The following LRRC1 variants were observed in gnomAD, a reference collection of about 807,000 sequenced individuals.
LRRC1 encodes the protein leucine-rich repeat-containing protein 1.
Under a neutral mutation model 69.9 loss-of-function variants are expected in LRRC1, and 28 were observed. The ratio of observed to expected loss-of-function variants is 0.40; its 90% CI spans 0.30 to 0.55. The LOEUF (loss-of-function observed/expected upper bound fraction) is 0.55, where lower values mean the gene tolerates loss of function less well. Ranked by LOEUF, LRRC1 falls within the 20% of genes least tolerant of loss-of-function variation. The probability of loss-of-function intolerance (pLI) is 0.47; values close to 1 mark genes in which losing one functional copy is unlikely to be tolerated. For missense variants in LRRC1, 498 were observed against 609.0 expected (o/e 0.82, Z 1.92); for synonymous variants, 236 against 240.2 (o/e 0.98, Z 0.16).
At position 53,827,692 on chromosome 6, in the gene LRRC1, A is replaced by G. The variant is rs182637209; in HGVS notation, c.160-14418A>G. ...AAATGGAGTCAGAAAGGCCATGGAT[A>G]TTTGTGGGGCAGAAGTTAGAAAGGA... On this transcript the variant is annotated intron_variant, in intron 1 of 13. Coordinates refer to ENST00000370888, the MANE Select transcript of LRRC1 (RefSeq NM_018214.5). Among the ~76,000 whole-genome samples, 53 of 152,276 alleles carry G rather than the reference A, an allele frequency of 3.5e-4. No homozygotes were observed. The East Asian group carries it at 8.7e-3, about 25-fold the overall frequency.
At chr6:53,835,038 A>G (rs1443416348) in intron 1 of LRRC1, among the ~76,000 whole-genome samples, 1 of 152,176 alleles carries the variant, frequency 6.6e-6, no homozygotes, top group Non-Finnish European at 1.5e-5. Flanking sequence ...ACTAATAGGA[A>G]TTCCTTCTTC....
chr6:53,803,967 A>T (rs9382239), intron 1 of LRRC1, among the ~76,000 whole-genome samples: 95,003 of 151,954 alleles, frequency 0.63, 30,017 homozygotes, highest in East Asian at 0.9. Context: ...CCTGAGTCAA[A>T]TGAGCAGTTG....
At chr6:53,836,581 G>A (rs903243163) in intron 1 of LRRC1, among the ~76,000 whole-genome samples, 3 of 152,120 alleles carry the variant, frequency 2.0e-5, no homozygotes, top group Non-Finnish European at 4.4e-5. Flanking sequence ...ATAATTGGAT[G>A]TCCTTAGTGG....
At chr6:53,802,378 TCC>T in intron 1 of LRRC1, among the ~76,000 whole-genome samples, 1 of 152,334 alleles carries the variant, frequency 6.6e-6, no homozygotes, top group East Asian at 1.9e-4. Flanking sequence ...TGGGAGCCTC[TCC>T]CTTCCCATCT....
intron 1 of LRRC1, among the ~76,000 whole-genome samples, chr6:53,796,115 A>C (rs1764293586): frequency 6.6e-6 from 1 of 152,220 alleles, no homozygotes; most frequent in Admixed American, 6.5e-5. Flanking sequence ...GGTGAACGTC[A>C]GCGGAGGCTC....
intron 1 of LRRC1, among the ~76,000 whole-genome samples, chr6:53,823,601 A>G (rs4712048): frequency 0.83 from 125,235 of 151,786 alleles, 51,789 homozygotes; most frequent in East Asian, 0.92. Context: ...TGTCACCTAG[A>G]TATTAAGCCT....
chr6:53,922,888 C>A lies in LRRC1; in HGVS notation c.*95C>A. 8.1e-7 allele frequency: 1 copy of A among 1,234,222 alleles called. No individual in the cohort carries two copies. The highest frequency in any genetic ancestry group is 1.1e-6 in the Non-Finnish European group (1 of 877,226). The allele number at this position is 1,234,222 out of a possible 1,614,324, so 76.5% of individuals were successfully genotyped here. On this transcript the variant is annotated 3_prime_UTR_variant, in exon 14 of 14. Transcript: ENST00000370888. ...AGCCTCACGTGCTCCTTGTCCTAAC[C>A]AGCCCCCGCGCGCCATCTTCCCGTG...
intron 2 of LRRC1, among the ~76,000 whole-genome samples, chr6:53,843,558 AAAAAGT>A (rs1334526322): frequency 1.3e-5 from 2 of 152,220 alleles, no homozygotes; most frequent in African/African-American, 4.8e-5. Flanking sequence ...AAGGTACTAG[AAAAAGT>A]AAAACAAAAC....
rs761349802 is a variant in LRRC1 at position 53,795,273 on chromosome 6, C to G, written c.17C>G (p.Pro6Arg). ...GGGGCGGCGATGTTCCACTGCATCCCCCTGTGGCGGTGCAACCGTCATGTG... is the reference window on the plus strand; with the variant it reads ...GGGGCGGCGATGTTCCACTGCATCCGCCTGTGGCGGTGCAACCGTCATGTG... MFHCIPLWRCNRHVES... is the reference protein window; with the variant it reads MFHCIRLWRCNRHVES... Residue 6 changes from proline to arginine, a missense_variant, in exon 1 of 14, where the codon CCC (proline) becomes CGC (arginine). Pro to Arg is a moderately radical substitution (Grantham distance 103). Coordinates refer to ENST00000370888, the MANE Select transcript of LRRC1 (RefSeq NM_018214.5). 6 of 1,611,114 alleles carry G rather than the reference C, an allele frequency of 3.7e-6. No individual in the cohort carries two copies. Among genetic ancestry groups the G allele is most frequent in the Non-Finnish European group, 5.1e-6 (6 of 1,179,634 alleles).
chr6:53,877,944 G>C (rs1158731667), intron 2 of LRRC1, among the ~76,000 whole-genome samples: 1 of 152,138 alleles, frequency 6.6e-6, no homozygotes, highest in African/African-American at 2.4e-5. Context: ...CTGTTAGTCT[G>C]TTTTCATGCT....
intron 1 of LRRC1, among the ~76,000 whole-genome samples, chr6:53,824,386 TAGACC>T (rs1394439236): frequency 6.6e-6 from 1 of 152,206 alleles, no homozygotes; most frequent in African/African-American, 2.4e-5. Context: ...TGCTGCATAT[TAGACC>T]TTTGTCAGAT....
intron 2 of LRRC1, among the ~76,000 whole-genome samples, chr6:53,877,810 C>T (rs1045800272): frequency 1.3e-5 from 2 of 152,190 alleles, no homozygotes; most frequent in African/African-American, 2.4e-5. Flanking sequence ...AACTTTCCCA[C>T]GTTTTCCTGT....
chr6:53,797,625 C>T (rs1457430161), intron 1 of LRRC1, among the ~76,000 whole-genome samples: 1 of 152,168 alleles, frequency 6.6e-6, no homozygotes, highest in Non-Finnish European at 1.5e-5. Context: ...GGTGGCCATA[C>T]CAGCTGTATG....
chr6:53,922,952 C>T lies in LRRC1; in HGVS notation c.*159C>T, dbSNP rs892918374. ...CTGCTGTCTCCCAGGAAGTGCCTTA[C>T]TCATCCCGCAACCAGTCAGCGCACC... is the stretch of plus-strand genomic sequence containing the variant. On this transcript the variant is annotated 3_prime_UTR_variant, in exon 14 of 14. Transcript: ENST00000370888. 1.1e-5 allele frequency: 7 copies of T among 628,386 alleles called. No homozygotes were observed. Among genetic ancestry groups the T allele is most frequent in the Admixed American group, 5.3e-5 (2 of 37,460 alleles). The allele number at this position is 628,386 out of a possible 1,614,324, so 38.9% of individuals were successfully genotyped here.
At chr6:53,817,458 CTA>C (rs1372112325) in intron 1 of LRRC1, among the ~76,000 whole-genome samples, 2 of 152,050 alleles carry the variant, frequency 1.3e-5, no homozygotes, top group Non-Finnish European at 2.9e-5. Flanking sequence ...TTGAAATGTT[CTA>C]TCTTAGTGAT....
rs543294779 is a variant in LRRC1 at position 53,923,496 on chromosome 6, C to T, written c.*703C>T. 1 of 152,676 alleles carries T rather than the reference C, an allele frequency of 6.5e-6. No individual in the cohort carries two copies. The highest frequency in any genetic ancestry group is 1.9e-4 in the East Asian group (1 of 5,168). The allele number at this position is 152,676 out of a possible 1,614,324, so 9.5% of individuals were successfully genotyped here. On this transcript the variant is annotated 3_prime_UTR_variant, in exon 14 of 14. Coordinates refer to ENST00000370888, the MANE Select transcript of LRRC1 (RefSeq NM_018214.5). ...TTTTAAAGCAGTGTTGCATTTTAAT[C>T]AGTAATCTACCTGGTGGATTTGTTT... is the stretch of plus-strand genomic sequence containing the variant.
chr6:53,860,524 T>C (rs1027898434), intron 2 of LRRC1, among the ~76,000 whole-genome samples: 5 of 50,694 alleles, frequency 9.9e-5, no homozygotes, highest in African/African-American at 3.5e-4. Context: ...CTCCATTTTC[T>C]GGTTTAATCT....
At chr6:53,831,964 T>C (rs1475429794) in intron 1 of LRRC1, among the ~76,000 whole-genome samples, 1 of 152,068 alleles carries the variant, frequency 6.6e-6, no homozygotes, top group Admixed American at 6.5e-5. Context: ...CCTATGTGAG[T>C]TTTTTCTTTG....
chr6:53,851,693 C>T (rs567665788), intron 2 of LRRC1, among the ~76,000 whole-genome samples: 1 of 152,142 alleles, frequency 6.6e-6, no homozygotes, highest in African/African-American at 2.4e-5. Context: ...ACCTAGTAAA[C>T]ATAGATACCA....
Sources: allele counts gnomAD v4.1 joint callset (sites outside exome capture counted in the v4.1 genomes callset), GRCh38; gene constraint gnomAD v4.1.1; transcripts MANE v1.5; gene names NCBI Gene and HGNC (gene_info 2026-07-23, HGNC 2026-07-21).